The following FBXL13 variants were observed in gnomAD, a reference collection of about 807,000 sequenced individuals.
The protein encoded by FBXL13 is F-box and leucine rich repeat protein 13.
FBXL13 carries 67 observed loss-of-function variants against 83.6 expected under a neutral mutation model. That is an observed-to-expected ratio of 0.80 (90% CI 0.66 to 0.98). The LOEUF (loss-of-function observed/expected upper bound fraction) is 0.98, where lower values mean the gene tolerates loss of function less well. FBXL13 is among the 50% of genes least tolerant of loss of function. The pLI is 0.00. For missense variants in FBXL13, 822 were observed against 866.5 expected, an observed-to-expected ratio of 0.95 and a Z score of 0.64; for synonymous variants, 272 against 299.5, an observed-to-expected ratio of 0.91 and a Z score of 0.95.
intron 6 of FBXL13, among the ~76,000 whole-genome samples, chr7:103,005,576 TTC>T (rs1272980913): frequency 9.2e-5 from 14 of 152,202 alleles, no homozygotes; most frequent in Admixed American, 4.6e-4. Context: ...GTCAATTCCT[TTC>T]TTGCTGTGGG....
At chr7:102,886,739 G>T (rs1172638105) in intron 11 of FBXL13, among the ~76,000 whole-genome samples, 1 of 152,164 alleles carries the variant, frequency 6.6e-6, no homozygotes, top group Non-Finnish European at 1.5e-5. Context: ...TGTCTATTCA[G>T]TAGGTTCCCC....
chr7:103,045,494 G>A (rs563893864), intron 2 of FBXL13, among the ~76,000 whole-genome samples: 4 of 152,258 alleles, frequency 2.6e-5, no homozygotes, highest in Admixed American at 2.6e-4. Context: ...ATTTGGTCTT[G>A]AAACATACTG....
chr7:102,994,300 C>T (rs1829872815), intron 6 of FBXL13, among the ~76,000 whole-genome samples: 1 of 151,446 alleles, frequency 6.6e-6, no homozygotes, highest in Non-Finnish European at 1.5e-5. Flanking sequence ...GATTTAGTAA[C>T]TTTAAAAAAG....
chr7:102,953,294 T>C (rs1823707884), intron 8 of FBXL13, among the ~76,000 whole-genome samples: 1 of 152,036 alleles, frequency 6.6e-6, no homozygotes, highest in Non-Finnish European at 1.5e-5. Flanking sequence ...ATTAAAAGGA[T>C]TATACACCAT....
At chr7:103,069,805 G>A (rs545599140) in intron 1 of FBXL13, among the ~76,000 whole-genome samples, 10 of 152,312 alleles carry the variant, frequency 6.6e-5, no homozygotes, top group East Asian at 1.9e-4. Context: ...TGGGCTGGGC[G>A]CGGTGGCCCA....
chr7:102,900,971 A>T (rs1402907127), intron 11 of FBXL13, among the ~76,000 whole-genome samples: 1 of 152,242 alleles, frequency 6.6e-6, no homozygotes, highest in Non-Finnish European at 1.5e-5. Flanking sequence ...AGAAACTCAA[A>T]TACTTACTGA....
At chr7:102,962,151 C>G (rs1231656493) in intron 8 of FBXL13, among the ~76,000 whole-genome samples, 7 of 150,840 alleles carry the variant, frequency 4.6e-5, no homozygotes, top group Non-Finnish European at 7.4e-5. Context: ...AAAAAACAAA[C>G]AACCCCATCA....
At chr7:102,837,051 T>G (rs1310035307) in intron 17 of FBXL13, among the ~76,000 whole-genome samples, 1 of 152,224 alleles carries the variant, frequency 6.6e-6, no homozygotes, top group Non-Finnish European at 1.5e-5. Context: ...AAAATGCAAC[T>G]TCCACAATTT....
At chr7:102,843,064 G>C (rs1389309040) in intron 17 of FBXL13, among the ~76,000 whole-genome samples, 2 of 152,058 alleles carry the variant, frequency 1.3e-5, no homozygotes, top group Non-Finnish European at 2.9e-5. Flanking sequence ...GTTACCAAAG[G>C]GCAAATTTTT....
chr7:103,036,776 T>C (rs1438311489), intron 2 of FBXL13, among the ~76,000 whole-genome samples: 1 of 152,192 alleles, frequency 6.6e-6, no homozygotes, highest in Non-Finnish European at 1.5e-5. Context: ...CCTCCCAAAG[T>C]GTTGGGGTTA....
At chr7:103,064,845 C>A (rs1302650751) in intron 1 of FBXL13, among the ~76,000 whole-genome samples, 1 of 152,178 alleles carries the variant, frequency 6.6e-6, no homozygotes, top group African/African-American at 2.4e-5. Context: ...GAAGTCTAAG[C>A]AGCCCATGGG....
chr7:103,004,611 T>A (rs1278297005), intron 6 of FBXL13, among the ~76,000 whole-genome samples: 1 of 152,192 alleles, frequency 6.6e-6, no homozygotes, highest in Non-Finnish European at 1.5e-5. Context: ...GCAAAGAAAC[T>A]CAAGACAGTG....
intron 6 of FBXL13, among the ~76,000 whole-genome samples, chr7:103,015,333 T>C (rs926018633): frequency 2.0e-5 from 3 of 152,044 alleles, no homozygotes; most frequent in Admixed American, 6.6e-5. Context: ...GTACTGAAAG[T>C]CCTAGCAAGA....
chr7:102,828,424 C>G (rs1800101781), intron 18 of FBXL13, among the ~76,000 whole-genome samples: 1 of 152,152 alleles, frequency 6.6e-6, no homozygotes, highest in Admixed American at 6.5e-5. Flanking sequence ...AACCTCTAAG[C>G]TGAAAGAATT....
chr7:103,028,350 T>C (rs956285153), intron 4 of FBXL13, among the ~76,000 whole-genome samples: 2 of 152,176 alleles, frequency 1.3e-5, no homozygotes, highest in African/African-American at 2.4e-5. Context: ...TAGATTCTAT[T>C]TATATTCATG....
chr7:103,002,318 TACC>T (rs1790487089), intron 6 of FBXL13, among the ~76,000 whole-genome samples: 1 of 152,196 alleles, frequency 6.6e-6, no homozygotes, highest in Non-Finnish European at 1.5e-5. Flanking sequence ...TAACTCAATC[TACC>T]ACTTTTTTTT....
chr7:102,862,720 C>T (rs976733234), intron 16 of FBXL13, among the ~76,000 whole-genome samples: 1 of 152,226 alleles, frequency 6.6e-6, no homozygotes, highest in African/African-American at 2.4e-5. Context: ...CTTCATATTA[C>T]TTGACCCAGC....
At chr7:103,061,238 T>C (rs1378076265) in intron 1 of FBXL13, among the ~76,000 whole-genome samples, 2 of 151,850 alleles carry the variant, frequency 1.3e-5, no homozygotes, top group African/African-American at 4.8e-5. Context: ...TAAAGCAGAC[T>C]GGACAGGACA....
intron 6 of FBXL13, among the ~76,000 whole-genome samples, chr7:102,997,597 G>T (rs1004755133): frequency 1.3e-5 from 2 of 151,944 alleles, no homozygotes; most frequent in African/African-American, 4.8e-5. Context: ...CCAGACTCTG[G>T]TAACCACCAA....
Sources: allele counts gnomAD v4.1 joint callset (sites outside exome capture counted in the v4.1 genomes callset), GRCh38; gene constraint gnomAD v4.1.1; transcripts MANE v1.5; gene names NCBI Gene and HGNC (gene_info 2026-07-23, HGNC 2026-07-21).